The following ZNF365 variants were observed in gnomAD, a reference collection of about 807,000 sequenced individuals.
ZNF365 encodes the protein protein ZNF365.
Under a neutral mutation model 35.0 loss-of-function variants are expected in ZNF365, and 22 were observed. The ratio of observed to expected loss-of-function variants is 0.63; its 90% CI spans 0.45 to 0.90. The LOEUF (loss-of-function observed/expected upper bound fraction) is 0.90. ZNF365 is among the 40% of genes least tolerant of loss of function. The pLI, the probability that ZNF365 is intolerant of heterozygous loss-of-function variation, is 0.00. For missense variants in ZNF365, 448 were observed against 500.3 expected, an observed-to-expected ratio of 0.90 and a Z score of 1.00; for synonymous variants, 188 against 196.2, an observed-to-expected ratio of 0.96 and a Z score of 0.35.
At chr10:62,469,064 A>G (rs1449455941) in intron 4 of ZNF365, among the ~76,000 whole-genome samples, 2 of 152,226 alleles carry the variant, frequency 1.3e-5, no homozygotes, top group African/African-American at 4.8e-5. Context: ...ATTCACAGCA[A>G]AAGTGGACCA....
downstream of ZNF365, among the ~76,000 whole-genome samples, chr10:62,403,792 C>T (rs779842729): frequency 3.3e-5 from 5 of 152,238 alleles, no homozygotes; most frequent in Non-Finnish European, 5.9e-5. Flanking sequence ...TGAGAAATAG[C>T]TGTGACATTC....
In ZNF365 at chr10:62,399,524, G is replaced by T. The variant is rs755767096; in HGVS notation, c.963-4G>T. On this transcript the variant is annotated splice_polypyrimidine_tract_variant and splice_region_variant and intron_variant, in intron 4 of 4. Transcript: ENST00000395254. The stretch of plus-strand genomic sequence containing the variant: ...TCTCCACTCCCCCCTCCAACCCTCT[G>T]TAGAAGCCGAGGGCACCCGCATTCG... 3 of 1,613,758 alleles carry T rather than the reference G, an allele frequency of 1.9e-6. No homozygotes were observed. In the South Asian group the frequency reaches 3.3e-5, roughly 18 times the overall value.
Position 62,376,206 on chromosome 10 carries a change from G to T in ZNF365, c.13G>T (p.Ala5Ser), listed in dbSNP as rs371518407. The change falls in exon 2 of 5, where the codon GCT becomes TCT. Residue 5 changes from alanine to serine, a missense_variant. Ala to Ser is a moderately conservative substitution (Grantham distance 99, BLOSUM62 1). This residue lies in a region of ZNF365 where 76 missense variants were observed against 96.7 expected (regional missense o/e 0.79). Coordinates refer to ENST00000395254, the MANE Select transcript of ZNF365 (RefSeq NM_014951.3). MQQK[A>S]FEESRYPWQE... ...GACTTTTAGAGTAATGCAACAGAAG[G>T]CTTTTGAGGAAAGCAGATATCCCTG... 3 of 1,613,920 alleles carry T rather than the reference G, an allele frequency of 1.9e-6. No homozygotes were observed. Among genetic ancestry groups the T allele is most frequent in the Non-Finnish European group, 2.5e-6 (3 of 1,180,012 alleles).
intron 4 of ZNF365, chr10:62,479,791 A>G (rs1420625800): frequency 1.6e-5 from 16 of 971,222 alleles, no homozygotes; most frequent in Admixed American, 3.5e-5. Flanking sequence ...CCCATGGTTG[A>G]AACCACTTCT....
At chr10:62,380,243 A>T (rs1839414424) in intron 2 of ZNF365, among the ~76,000 whole-genome samples, 1 of 152,184 alleles carries the variant, frequency 6.6e-6, no homozygotes, top group Non-Finnish European at 1.5e-5. Context: ...TTCCACTTAA[A>T]CGAAGAGGTT....
At chr10:62,441,233 T>C (rs1335523682) in intron 3 of ZNF365, among the ~76,000 whole-genome samples, 1 of 152,170 alleles carries the variant, frequency 6.6e-6, no homozygotes, top group Non-Finnish European at 1.5e-5. Flanking sequence ...GAGTCAAATC[T>C]AAGGATGTCT....
chr10:62,423,498 G>GT (rs996553333), intron 3 of ZNF365, among the ~76,000 whole-genome samples: 5 of 152,146 alleles, frequency 3.3e-5, no homozygotes, highest in African/African-American at 1.2e-4. Context: ...AATCATTCCA[G>GT]TTTTTTCAGA....
intron 4 of ZNF365, among the ~76,000 whole-genome samples, chr10:62,463,063 C>T (rs991968717): frequency 1.3e-5 from 2 of 152,158 alleles, no homozygotes; most frequent in African/African-American, 4.8e-5. Context: ...TCTATCCTTG[C>T]CAATACTTTT....
At chr10:62,376,121 A>G in intron 1 of ZNF365, 60 bp from the exon 2 acceptor site, 1 of 1,538,050 alleles carries the variant, frequency 6.5e-7, no homozygotes, top group Non-Finnish European at 8.8e-7. Context: ...GATGAGCAGC[A>G]ATCATTTTAG....
downstream of ZNF365, among the ~76,000 whole-genome samples, chr10:62,404,545 T>C (rs76998085): frequency 0.018 from 2,801 of 152,276 alleles, 94 homozygotes; most frequent in African/African-American, 0.065. Flanking sequence ...TTTAGAACCA[T>C]GAAATCAGGA....
intron 3 of ZNF365, among the ~76,000 whole-genome samples, chr10:62,389,016 G>T (rs1489536675): frequency 2.6e-5 from 4 of 152,112 alleles, no homozygotes; most frequent in Admixed American, 6.5e-5. Flanking sequence ...TGGGGGGCAA[G>T]CACTGTTCAA....
intron 4 of ZNF365, among the ~76,000 whole-genome samples, chr10:62,465,760 A>G (rs1840932770): frequency 6.6e-6 from 1 of 152,186 alleles, no homozygotes; most frequent in African/African-American, 2.4e-5. Context: ...ATGTGGGACA[A>G]GAACTTGGGA....
chr10:62,448,881 T>TTC (rs199828245), intron 3 of ZNF365, among the ~76,000 whole-genome samples: 3,031 of 152,264 alleles, frequency 0.02, 98 homozygotes, highest in African/African-American at 0.064. Context: ...AAAAGTATAG[T>TTC]TATTAATATT....
chr10:62,413,798 A>T (rs1840027284), intron 3 of ZNF365, among the ~76,000 whole-genome samples: 1 of 152,206 alleles, frequency 6.6e-6, no homozygotes, highest in Admixed American at 6.5e-5. Context: ...TAAGAGGAGG[A>T]GCCATCCAAT....
chr10:62,393,555 A>G (rs7070152), intron 3 of ZNF365, among the ~76,000 whole-genome samples: 51,595 of 152,150 alleles, frequency 0.34, 8,960 homozygotes, highest in Middle Eastern at 0.41. Flanking sequence ...TTTTTAGTAC[A>G]TGACTGTGTA....
intron 3 of ZNF365, among the ~76,000 whole-genome samples, chr10:62,421,084 T>C (rs1255360104): frequency 1.3e-5 from 2 of 152,088 alleles, no homozygotes; most frequent in Admixed American, 6.5e-5. Context: ...TTTAGAGACA[T>C]TGGCAACCGA....
At chr10:62,476,404 A>G (rs1841132178) in intron 4 of ZNF365, among the ~76,000 whole-genome samples, 1 of 152,226 alleles carries the variant, frequency 6.6e-6, no homozygotes, top group Non-Finnish European at 1.5e-5. Flanking sequence ...TTAAAGTTCT[A>G]AGTTAAGGAA....
chr10:62,456,844 G>GCA (rs57620397), intron 3 of ZNF365, among the ~76,000 whole-genome samples: 30 of 151,278 alleles, frequency 2.0e-4, no homozygotes, highest in East Asian at 1.7e-3. Context: ...GCGCACACAT[G>GCA]CACACACACA....
At chr10:62,457,078 T>C (rs1253715579) in intron 3 of ZNF365, among the ~76,000 whole-genome samples, 2 of 152,188 alleles carry the variant, frequency 1.3e-5, no homozygotes, top group Non-Finnish European at 2.9e-5. Context: ...AGCTCAGCCC[T>C]GTTCCATATG....
Sources: gnomAD v4.1 joint callset for allele counts (sites outside exome capture counted in the v4.1 genomes callset) on GRCh38, gnomAD v4.1.1 for gene constraint, gnomAD v4.1.1 regional missense constraint, MANE v1.5 for transcripts, NCBI Gene and HGNC (gene_info 2026-07-23, HGNC 2026-07-21) for gene names.